The following NRG3 variants were observed in gnomAD, a reference collection of about 807,000 sequenced individuals.
NRG3 encodes neuregulin 3.
A neutral mutation model predicts 66.9 loss-of-function variants in NRG3; 31 were observed. That is an observed-to-expected ratio of 0.46 (90% CI 0.35 to 0.63). The LOEUF is 0.63. NRG3 is among the 20% of genes least tolerant of loss of function. The pLI, the probability that NRG3 is intolerant of heterozygous loss-of-function variation, is 0.00. For synonymous variants in NRG3, 393 were observed against 359.4 expected, an observed-to-expected ratio of 1.09 and a Z score of -1.06; for missense variants, 910 against 878.9, an observed-to-expected ratio of 1.04 and a Z score of -0.45.
chr10:82,734,412 G>A (rs926860970), intron 2 of NRG3, among the ~76,000 whole-genome samples: 3 of 152,150 alleles, frequency 2.0e-5, no homozygotes, highest in African/African-American at 7.2e-5. Flanking sequence ...GCAATGCGGA[G>A]TAGAAAACTA....
At chr10:82,948,357 A>G (rs1592058400) in intron 4 of NRG3, among the ~76,000 whole-genome samples, 1 of 152,126 alleles carries the variant, frequency 6.6e-6, no homozygotes, top group African/African-American at 2.4e-5. Context: ...ATGAGATTCC[A>G]CAACTTTGTT....
At chr10:82,152,733 C>A (rs1269679067) in intron 1 of NRG3, among the ~76,000 whole-genome samples, 1 of 150,252 alleles carries the variant, frequency 6.7e-6, no homozygotes, top group Non-Finnish European at 1.5e-5. Context: ...TATTTGAAAT[C>A]TCTATTGCTG....
At chr10:82,150,896 A>G (rs2070695489) in intron 1 of NRG3, among the ~76,000 whole-genome samples, 1 of 152,352 alleles carries the variant, frequency 6.6e-6, no homozygotes, top group Non-Finnish European at 1.5e-5. Context: ...GTAAAAGAAA[A>G]ATACAAAACT....
At chr10:82,059,240 CT>C (rs1001128115) in intron 1 of NRG3, among the ~76,000 whole-genome samples, 7 of 152,138 alleles carry the variant, frequency 4.6e-5, no homozygotes, top group African/African-American at 1.7e-4. Flanking sequence ...GGCTGTAGCA[CT>C]TTTTATACTG....
At chr10:82,650,782 T>A (rs916159544) in intron 2 of NRG3, among the ~76,000 whole-genome samples, 2 of 152,170 alleles carry the variant, frequency 1.3e-5, no homozygotes, top group Non-Finnish European at 2.9e-5. Context: ...TACAGACATT[T>A]AAAAAATGGA....
At chr10:82,210,074 C>A (rs1304004728) in intron 1 of NRG3, among the ~76,000 whole-genome samples, 1 of 152,082 alleles carries the variant, frequency 6.6e-6, no homozygotes, top group East Asian at 1.9e-4. Context: ...TGAGAAAATT[C>A]ATGAAATGAG....
At chr10:82,590,689 C>G (rs981755117) in intron 2 of NRG3, among the ~76,000 whole-genome samples, 1 of 152,100 alleles carries the variant, frequency 6.6e-6, no homozygotes, top group Non-Finnish European at 1.5e-5. Context: ...TGTAGAGTAC[C>G]AGCTGGCATG....
At chr10:82,418,534 G>A (rs2088798178) in intron 2 of NRG3, among the ~76,000 whole-genome samples, 1 of 151,882 alleles carries the variant, frequency 6.6e-6, no homozygotes. Flanking sequence ...GCAGATTAAT[G>A]TCCTTGGTGG....
At chr10:81,940,531 A>G (rs893096804) in intron 1 of NRG3, among the ~76,000 whole-genome samples, 4 of 151,654 alleles carry the variant, frequency 2.6e-5, no homozygotes, top group Admixed American at 6.6e-5. Context: ...TTTTATTTTT[A>G]TTTTTTGAGG....
At chr10:82,732,562 A>T (rs2057965193) in intron 2 of NRG3, among the ~76,000 whole-genome samples, 3 of 152,158 alleles carry the variant, frequency 2.0e-5, no homozygotes, top group Admixed American at 6.5e-5. Flanking sequence ...AATATACTTA[A>T]CCTTTCTCAA....
chr10:82,266,912 C>G (rs2078327961), intron 1 of NRG3, among the ~76,000 whole-genome samples: 1 of 152,136 alleles, frequency 6.6e-6, no homozygotes, highest in Non-Finnish European at 1.5e-5. Flanking sequence ...TATGAACTTA[C>G]CACAAATGAT....
chr10:82,626,360 T>G (rs2049421279), intron 2 of NRG3, among the ~76,000 whole-genome samples: 1 of 152,164 alleles, frequency 6.6e-6, no homozygotes, highest in Non-Finnish European at 1.5e-5. Flanking sequence ...CTGGGCTTAA[T>G]GGAGATCTCA....
chr10:82,348,548 G>A (rs1021060682), intron 1 of NRG3, among the ~76,000 whole-genome samples: 3 of 147,504 alleles, frequency 2.0e-5, no homozygotes, highest in Non-Finnish European at 3.0e-5. Context: ...TATGTGTCTT[G>A]GAGTTGCTCT....
chr10:82,396,754 A>G (rs1428757638), intron 2 of NRG3, among the ~76,000 whole-genome samples: 2 of 152,042 alleles, frequency 1.3e-5, no homozygotes, highest in African/African-American at 4.8e-5. Flanking sequence ...ATTTAATTAA[A>G]CTGTGCTCAG....
chr10:82,958,930 C>T lies in NRG3; in HGVS notation c.1158-19C>T, dbSNP rs780067498. 7.7e-6 allele frequency: 12 copies of T among 1,549,282 alleles called. No individual in the cohort carries two copies. Among genetic ancestry groups the T allele is most frequent in the South Asian group, 3.8e-5 (3 of 79,106 alleles). ...ATAAAGTCATGCAAATATTTGTACACGTTTATTTATGCCTGCAGGAAACAA... is the reference window on the plus strand; with the variant it reads ...ATAAAGTCATGCAAATATTTGTACATGTTTATTTATGCCTGCAGGAAACAA... On this transcript the variant is annotated intron_variant, in intron 5 of 8. Transcript: ENST00000372141.
intron 1 of NRG3, among the ~76,000 whole-genome samples, chr10:81,994,595 T>G (rs1349197844): frequency 6.6e-6 from 1 of 152,126 alleles, no homozygotes. Context: ...TGGAAAGAAT[T>G]TGTATATGAG....
At chr10:82,317,282 G>T (rs2081345995) in intron 1 of NRG3, among the ~76,000 whole-genome samples, 1 of 151,216 alleles carries the variant, frequency 6.6e-6, no homozygotes. Context: ...CCAAGCTAAA[G>T]ATTTGGACAC....
chr10:82,785,591 A>G (rs2060324477), intron 3 of NRG3, among the ~76,000 whole-genome samples: 2 of 152,132 alleles, frequency 1.3e-5, no homozygotes, highest in African/African-American at 4.8e-5. Flanking sequence ...AATATGGTGG[A>G]ATTATGTCTG....
intron 2 of NRG3, among the ~76,000 whole-genome samples, chr10:82,641,450 A>C (rs1275020389): frequency 6.6e-6 from 1 of 152,188 alleles, no homozygotes; most frequent in African/African-American, 2.4e-5. Context: ...TTTTCACTAA[A>C]AACAAGTAAA....
Sources: allele counts gnomAD v4.1 joint callset (sites outside exome capture counted in the v4.1 genomes callset), GRCh38; gene constraint gnomAD v4.1.1; transcripts MANE v1.5; gene names NCBI Gene and HGNC (gene_info 2026-07-23, HGNC 2026-07-21).